WHRN: variants seen among roughly 807,000 people sequenced by gnomAD.
The protein encoded by WHRN is CASK-interacting protein CIP98.
WHRN carries 41 observed loss-of-function variants against 68.3 expected under a neutral mutation model. The observed-to-expected ratio is 0.60, with a 90% CI of 0.47 to 0.78. The LOEUF is 0.78. Ranked by LOEUF, WHRN falls within the 30% of genes least tolerant of loss-of-function variation. The pLI is 0.00. For missense variants in WHRN, 1,243 were observed against 1,244.7 expected, an observed-to-expected ratio of 1.00 and a Z score of 0.02; for synonymous variants, 560 against 561.3, an observed-to-expected ratio of 1.00 and a Z score of 0.03.
intron 3 of WHRN, among the ~76,000 whole-genome samples, chr9:114,434,828 C>T (rs1246571772): frequency 1.3e-5 from 2 of 152,130 alleles, no homozygotes; most frequent in African/African-American, 4.8e-5. Context: ...TTAAAATGCC[C>T]CAGTAGCTTC....
chr9:114,405,661 T>C (rs1040865573), intron 9 of WHRN, among the ~76,000 whole-genome samples: 1 of 152,218 alleles, frequency 6.6e-6, no homozygotes, highest in African/African-American at 2.4e-5. Flanking sequence ...CTCACTAGGC[T>C]GCGAGCGCCA....
intron 3 of WHRN, among the ~76,000 whole-genome samples, chr9:114,451,014 C>G (rs1225130735): frequency 6.6e-6 from 1 of 152,200 alleles, no homozygotes; most frequent in Non-Finnish European, 1.5e-5. Context: ...TTAGCATTAG[C>G]TAACTATCCC....
At chr9:114,403,142 C>T in intron 11 of WHRN, 75 bp downstream of exon 11, 1 of 1,606,698 alleles carries the variant, frequency 6.2e-7, no homozygotes, top group African/African-American at 1.3e-5. Context: ...ATGGGAGTCG[C>T]AAAACCCTGG....
chr9:114,424,319 C>T lies in WHRN; in HGVS notation c.1416+15G>A, dbSNP rs763305432. On this transcript the variant is annotated intron_variant, in intron 6 of 11. Transcript: ENST00000362057. ...GGAAATGCTGAAGCCAGTTGGGAGG[C>T]AGGGCACGGGTCACCTTGGCGTGGG... is the stretch of plus-strand genomic sequence containing the variant. 3 of 1,612,158 alleles carry T rather than the reference C, an allele frequency of 1.9e-6. No individual in the cohort carries two copies. Among genetic ancestry groups the T allele is most frequent in the East Asian group, 2.2e-5 (1 of 44,884 alleles).
intron 3 of WHRN, 86 bp from the exon 4 acceptor site, chr9:114,426,499 T>G: frequency 1.3e-6 from 2 of 1,502,098 alleles, no homozygotes; most frequent in Non-Finnish European, 1.8e-6. Context: ...CCAATTCTCC[T>G]CTGGGCCAGC....
intron 4 of WHRN, 113 bp from the exon 5 acceptor site, chr9:114,425,137 T>C (rs1429699479): frequency 1.0e-5 from 11 of 1,095,832 alleles, no homozygotes; most frequent in Non-Finnish European, 1.6e-5. Flanking sequence ...GAACCATGCA[T>C]CGTGGCCTCC....
chr9:114,426,285 A>T lies in WHRN; in HGVS notation c.1092T>A (p.His364Gln). The T allele has an allele frequency of 6.2e-7, 1 of 1,613,432 alleles. No individual in the cohort carries two copies. The highest frequency in any genetic ancestry group is 1.1e-5 in the South Asian group (1 of 91,040). The change falls in exon 4 of 12, where the codon CAT becomes CAA. Residue 364 changes from histidine to glutamine, a missense_variant. By Grantham distance (24) the His-to-Gln change is conservative. Transcript: ENST00000362057. Reference protein sequence around the residue: ...LTVKDVGRLPHARTTVDETKW... With the variant: ...LTVKDVGRLPQARTTVDETKW... ...TGGTCTCGTCCACAGTGGTGCGGGC[A>T]TGGGGCAGCCTCCCGACGTCCTTCA...
chr9:114,494,927 T>TG (rs35517002), intron 1 of WHRN, among the ~76,000 whole-genome samples: 2,231 of 150,810 alleles, frequency 0.015, 21 homozygotes, highest in Admixed American at 0.031. Context: ...GCCATGACAC[T>TG]GGGGGGGGGA....
intron 7 of WHRN, among the ~76,000 whole-genome samples, chr9:114,411,498 TG>T (rs1835434896): frequency 6.6e-6 from 1 of 152,142 alleles, no homozygotes; most frequent in Admixed American, 6.5e-5. Context: ...TGACAGTACA[TG>T]GTAGGACCAA....
In WHRN at chr9:114,402,773, T is replaced by A. The variant is rs891153986; in HGVS notation, c.2705A>T (p.Glu902Val). The A allele has an allele frequency of 1.9e-6, 3 of 1,613,896 alleles. No homozygotes were observed. The highest frequency in any genetic ancestry group is 2.5e-6 in the Non-Finnish European group (3 of 1,180,046). Residue 902 changes from glutamate (E) to valine (V), a missense_variant, in exon 12 of 12, where the codon GAG (glutamate) becomes GTG (valine). By Grantham distance (121) the Glu-to-Val change is moderately radical (BLOSUM62 -2). Transcript: ENST00000362057. ...DRDYIDFLVT[E>V]FNVML is the part of the protein sequence containing the mutation. ...TGGCCTCTAGAGCATCACATTGAAC[T>A]CAGTGACCAGAAAGTCAATGTAGTC...
chr9:114,425,773 C>T (rs1027718155), intron 4 of WHRN: 2 of 266,204 alleles, frequency 7.5e-6, no homozygotes, highest in Non-Finnish European at 1.5e-5. Flanking sequence ...AACTGGATCT[C>T]AGTTTATGAC....
At position 114,408,009 on chromosome 9, in the gene WHRN, C is replaced by T; in HGVS notation, c.1636G>A (p.Asp546Asn). ...ACAGCCTCGCCAGTTTCCTCCAGGTCCAGAGTGTTCTAGAAATGGACGAGA... is the reference window on the plus strand; with the variant it reads ...ACAGCCTCGCCAGTTTCCTCCAGGTTCAGAGTGTTCTAGAAATGGACGAGA... Reference protein sequence around the residue: ...TTVSSARNTLDLEETGEAVQG... With the variant: ...TTVSSARNTLNLEETGEAVQG... Residue 546 changes from aspartate (D) to asparagine (N), a missense_variant, in exon 8 of 12, where the codon GAC becomes AAC. Transcript: ENST00000362057. 3 of 1,600,690 alleles carry T rather than the reference C, an allele frequency of 1.9e-6. No homozygotes were observed. Among genetic ancestry groups the T allele is most frequent in the Non-Finnish European group, 2.6e-6 (3 of 1,172,740 alleles).
At chr9:114,406,069 G>C (rs1346367696) in intron 9 of WHRN, among the ~76,000 whole-genome samples, 1 of 152,248 alleles carries the variant, frequency 6.6e-6, no homozygotes, top group African/African-American at 2.4e-5. Context: ...GGTAGGGGGA[G>C]CTGGAGAAGG....
intron 3 of WHRN, among the ~76,000 whole-genome samples, chr9:114,442,618 T>A (rs1255407553): frequency 6.6e-6 from 1 of 152,172 alleles, no homozygotes; most frequent in Non-Finnish European, 1.5e-5. Flanking sequence ...CATAAACGGC[T>A]TGGTGCCCTC....
At chr9:114,415,822 G>C in intron 7 of WHRN, among the ~76,000 whole-genome samples, 2 of 152,150 alleles carry the variant, frequency 1.3e-5, no homozygotes, top group East Asian at 3.9e-4. Flanking sequence ...GATGGAGAAC[G>C]ATTCTCTAAA....
intron 1 of WHRN, among the ~76,000 whole-genome samples, chr9:114,501,165 T>G (rs1357097544): frequency 2.0e-5 from 3 of 152,268 alleles, no homozygotes; most frequent in Non-Finnish European, 4.4e-5. Context: ...CCCTGGTCTG[T>G]GGACTCTCTG....
intron 3 of WHRN, among the ~76,000 whole-genome samples, chr9:114,450,026 A>G (rs1453912608): frequency 6.6e-6 from 1 of 152,030 alleles, no homozygotes; most frequent in Non-Finnish European, 1.5e-5. Flanking sequence ...GCAAGAGCCA[A>G]CTCTGAGGCT....
At chr9:114,417,585 C>T (rs1294476872) in intron 7 of WHRN, among the ~76,000 whole-genome samples, 1 of 152,180 alleles carries the variant, frequency 6.6e-6, no homozygotes, top group Non-Finnish European at 1.5e-5. Context: ...AGTGATTTAG[C>T]AGAGGTATGA....
chr9:114,440,896 C>T (rs1838316360), intron 3 of WHRN, among the ~76,000 whole-genome samples: 1 of 152,186 alleles, frequency 6.6e-6, no homozygotes. Context: ...GCTTGAATAA[C>T]ACCATAGGAT....
Sources: allele counts gnomAD v4.1 joint callset (sites outside exome capture counted in the v4.1 genomes callset), GRCh38; gene constraint gnomAD v4.1.1; transcripts MANE v1.5; gene names NCBI Gene and HGNC (gene_info 2026-07-23, HGNC 2026-07-21).